FRMD3: variants seen among roughly 807,000 people sequenced by gnomAD.
The protein encoded by FRMD3 is FERM domain containing 3, also known as FERM domain-containing protein 3.
A neutral mutation model predicts 70.2 loss-of-function variants in FRMD3; 33 were observed. That is an observed-to-expected ratio of 0.47 (90% CI 0.36 to 0.63). The LOEUF (loss-of-function observed/expected upper bound fraction) is 0.63, where lower values mean the gene tolerates loss of function less well. Among genes scored for constraint, FRMD3 ranks in the 20% least tolerant of loss-of-function variants. The probability of loss-of-function intolerance (pLI) is 0.00; values close to 1 mark genes in which losing one functional copy is unlikely to be tolerated. For missense variants in FRMD3, 632 were observed against 711.4 expected (o/e 0.89, Z 1.27); for synonymous variants, 279 against 255.9 (o/e 1.09, Z -0.86).
intron 13 of FRMD3, among the ~76,000 whole-genome samples, chr9:83,272,125 C>T (rs964758071): frequency 6.6e-6 from 1 of 151,854 alleles, no homozygotes; most frequent in African/African-American, 2.4e-5. Context: ...CTGTCTCCCT[C>T]TCTCTCCACG....
chr9:83,567,508 T>C, the FRMD3 span, among the ~76,000 whole-genome samples: 728 of 152,344 alleles, frequency 4.8e-3, 7 homozygotes, highest in African/African-American at 0.017. Flanking sequence ...GTTTTTCTTT[T>C]CTACGGCATC....
At chr9:83,476,141 T>C (rs1828390404) in intron 1 of FRMD3, among the ~76,000 whole-genome samples, 1 of 152,180 alleles carries the variant, frequency 6.6e-6, no homozygotes, top group African/African-American at 2.4e-5. Flanking sequence ...CCCAGCACTT[T>C]GGGAGGCCAA....
chr9:83,369,577 A>AAAATAAAT (rs138276429), intron 3 of FRMD3, among the ~76,000 whole-genome samples: 7,357 of 142,110 alleles, frequency 0.052, 245 homozygotes, highest in African/African-American at 0.075. Flanking sequence ...ACTCTGTCTC[A>AAAATAAAT]AAATAAATAA....
chr9:83,439,534 T>A (rs529982157), intron 1 of FRMD3, among the ~76,000 whole-genome samples: 31 of 151,578 alleles, frequency 2.0e-4, no homozygotes, highest in African/African-American at 7.0e-4. Flanking sequence ...ATGTCCGCCA[T>A]CTTTCTTGTA....
intron 1 of FRMD3, among the ~76,000 whole-genome samples, chr9:83,492,804 A>C (rs1828858919): frequency 6.6e-6 from 1 of 152,158 alleles, no homozygotes; most frequent in Non-Finnish European, 1.5e-5. Flanking sequence ...GGGTGGCAAC[A>C]ATGCACTCAA....
intron 3 of FRMD3, among the ~76,000 whole-genome samples, chr9:83,371,869 G>A (rs1395421282): frequency 6.6e-6 from 1 of 152,196 alleles, no homozygotes; most frequent in Non-Finnish European, 1.5e-5. Flanking sequence ...GAGGAAGAGA[G>A]GGAGAAAGGG....
intron 13 of FRMD3, among the ~76,000 whole-genome samples, chr9:83,263,773 C>G (rs1833099169): frequency 6.6e-6 from 1 of 151,738 alleles, no homozygotes; most frequent in African/African-American, 2.4e-5. Flanking sequence ...ACAGAAGAGA[C>G]AATATAAAAA....
chr9:83,435,941 A>T lies in FRMD3; in HGVS notation c.148-46233T>A, dbSNP rs564289364. ...CAGGATATGCCACCCAAAAATCCCC[A>T]GAACCTTAATTTGGCTTGAGACAAA... On this transcript the variant is annotated intron_variant, in intron 1 of 13. Coordinates refer to ENST00000304195, the MANE Select transcript of FRMD3 (RefSeq NM_174938.6). Among the ~76,000 whole-genome samples the T allele has an allele frequency of 5.3e-5, 8 of 152,340 alleles. No individual in the cohort carries two copies. In the South Asian group the frequency reaches 1.5e-3, roughly 28 times the overall value.
intron 3 of FRMD3, among the ~76,000 whole-genome samples, chr9:83,368,626 C>T (rs1688360977): frequency 6.6e-6 from 1 of 152,210 alleles, no homozygotes; most frequent in Non-Finnish European, 1.5e-5. Context: ...AGACATTTCT[C>T]TTCCTTCATA....
rs1048077409 is a variant in FRMD3, at chr9:83,268,512, G to A, written c.1196-19996C>T. The stretch of plus-strand genomic sequence containing the variant: ...TTAAGTCAACCTATATTTCCAGTGG[G>A]AAAATGGTTAAATACATGTGATGAA... On this transcript the variant is annotated intron_variant, in intron 13 of 13. Coordinates refer to ENST00000304195, the MANE Select transcript of FRMD3 (RefSeq NM_174938.6). 2.0e-5 allele frequency among the ~76,000 whole-genome samples: 3 copies of A among 152,288 alleles called. 1 individual carries two copies. The South Asian group carries it at 6.2e-4, about 32-fold the overall frequency.
At chr9:83,526,476 T>C (rs1302145379) in intron 1 of FRMD3, among the ~76,000 whole-genome samples, 5 of 152,240 alleles carry the variant, frequency 3.3e-5, no homozygotes, top group Non-Finnish European at 4.4e-5. Context: ...AGAGATCACT[T>C]TACTTGTAAT....
At chr9:83,473,149 T>A (rs979144133) in intron 1 of FRMD3, among the ~76,000 whole-genome samples, 29 of 152,184 alleles carry the variant, frequency 1.9e-4, no homozygotes, top group African/African-American at 6.0e-4. Context: ...TCAACCTGGC[T>A]ACTGGCATTT....
chr9:83,504,086 C>T (rs1479177274), intron 1 of FRMD3, among the ~76,000 whole-genome samples: 2 of 152,090 alleles, frequency 1.3e-5, no homozygotes, highest in Non-Finnish European at 2.9e-5. Flanking sequence ...ACATGGCCTT[C>T]GGGTTTGTAC....
intron 10 of FRMD3, among the ~76,000 whole-genome samples, chr9:83,300,137 T>C (rs991673129): frequency 2.6e-5 from 4 of 152,354 alleles, no homozygotes; most frequent in Admixed American, 2.6e-4. Flanking sequence ...TTCAGCGCAG[T>C]GATCCCCACC....
At chr9:83,551,225 T>G in the FRMD3 span, among the ~76,000 whole-genome samples, 3 of 152,332 alleles carry the variant, frequency 2.0e-5, no homozygotes, top group African/African-American at 7.2e-5. Context: ...CTGCATCTAT[T>G]AAGATAATCA....
intron 1 of FRMD3, among the ~76,000 whole-genome samples, chr9:83,484,672 C>A (rs1350725496): frequency 6.6e-6 from 1 of 152,160 alleles, no homozygotes; most frequent in African/African-American, 2.4e-5. Flanking sequence ...CCCACCTTGG[C>A]CTCTCAAAGT....
At chr9:83,535,414 T>C (rs1375759560) in intron 1 of FRMD3, among the ~76,000 whole-genome samples, 4 of 152,146 alleles carry the variant, frequency 2.6e-5, no homozygotes, top group Non-Finnish European at 5.9e-5. Context: ...GATGTGTGGC[T>C]TGAGTTTCCC....
In FRMD3 at chr9:83,435,670, T is replaced by A. The variant is rs538498510; in HGVS notation, c.148-45962A>T. Among the ~76,000 whole-genome samples the A allele has an allele frequency of 2.0e-5, 3 of 152,150 alleles. No homozygotes were observed. In the South Asian group the frequency reaches 6.2e-4, roughly 32 times the overall value. On this transcript the variant is annotated intron_variant, in intron 1 of 13. Transcript: ENST00000304195. ...GAAAGAACCTTTTGTTTTGTTCCAG[T>A]TTTATTTGGGTTTGAGGGGCAAGGG...
intron 10 of FRMD3, among the ~76,000 whole-genome samples, chr9:83,304,945 G>C (rs1177416599): frequency 1.3e-5 from 2 of 152,190 alleles, no homozygotes; most frequent in African/African-American, 4.8e-5. Context: ...GCAGATCTCA[G>C]AGCCAGGGCT....
Sources: gnomAD v4.1 joint callset for allele counts (sites outside exome capture counted in the v4.1 genomes callset) on GRCh38, gnomAD v4.1.1 for gene constraint, MANE v1.5 for transcripts, NCBI Gene and HGNC (gene_info 2026-07-23, HGNC 2026-07-21) for gene names.